NFAT5: variants seen among roughly 807,000 people sequenced by gnomAD.
The protein encoded by NFAT5 is nuclear factor of activated T cells 5, also known as nuclear factor of activated T-cells 5.
Under a neutral mutation model 166.5 loss-of-function variants are expected in NFAT5, and 31 were observed. The ratio of observed to expected loss-of-function variants is 0.19; its 90% CI spans 0.14 to 0.25. The LOEUF (loss-of-function observed/expected upper bound fraction) is 0.25, where lower values mean the gene tolerates loss of function less well. Among genes scored for constraint, NFAT5 ranks in the 10% least tolerant of loss-of-function variants. The pLI, the probability that NFAT5 is intolerant of heterozygous loss-of-function variation, is 1.00. For synonymous variants in NFAT5, 612 were observed against 639.7 expected, an observed-to-expected ratio of 0.96 and a Z score of 0.65; for missense variants, 1,449 against 1,821.8, an observed-to-expected ratio of 0.80 and a Z score of 3.72.
chr16:69,640,081 G>C (rs961400397), intron 3 of NFAT5, among the ~76,000 whole-genome samples: 3 of 152,106 alleles, frequency 2.0e-5, no homozygotes, highest in African/African-American at 7.2e-5. Flanking sequence ...AATCTGGAAT[G>C]CTTATTTTAT....
At chr16:69,660,339 G>T (rs758071947) in intron 7 of NFAT5, among the ~76,000 whole-genome samples, 10 of 152,200 alleles carry the variant, frequency 6.6e-5, no homozygotes, top group Non-Finnish European at 1.0e-4. Context: ...TGAGGCAAGA[G>T]GATCACTTGA....
intron 11 of NFAT5, 57 bp downstream of exon 11, chr16:69,685,027 A>C (rs1195073306): frequency 8.8e-7 from 1 of 1,138,272 alleles, no homozygotes; most frequent in Non-Finnish European, 1.3e-6. Context: ...TGTTTTCTCT[A>C]GCACACCTTA....
chr16:69,612,223 C>T (rs1182647069), intron 2 of NFAT5, among the ~76,000 whole-genome samples: 1 of 152,160 alleles, frequency 6.6e-6, no homozygotes, highest in Non-Finnish European at 1.5e-5. Flanking sequence ...AAGTAGCGTA[C>T]TGCCGAACCT....
chr16:69,617,227 C>G lies in NFAT5; in HGVS notation c.128-9176C>G, dbSNP rs550026543. 2.5e-4 allele frequency among the ~76,000 whole-genome samples: 38 copies of G among 152,204 alleles called. No individual in the cohort carries two copies. The South Asian group carries it at 4.6e-3, about 18-fold the overall frequency. On this transcript the variant is annotated intron_variant, in intron 2 of 14. Coordinates refer to ENST00000349945, the MANE Select transcript of NFAT5 (RefSeq NM_138713.4). ...AAAGTGCTGGGATTACAGGCGTGAG[C>G]CACCGTGCCCAGCCTCAAAGTTCTT...
At chr16:69,646,605 G>T in intron 3 of NFAT5, 1 of 1,061,130 alleles carries the variant, frequency 9.4e-7, no homozygotes, top group Non-Finnish European at 1.2e-6. Flanking sequence ...AATATTTTGT[G>T]GCTAAGCACA....
intron 6 of NFAT5, among the ~76,000 whole-genome samples, chr16:69,657,460 A>C (rs945206637): frequency 1.4e-5 from 2 of 139,558 alleles, no homozygotes; most frequent in African/African-American, 5.3e-5. Flanking sequence ...GTAACTTTTG[A>C]AAATTACTAA....
At chr16:69,580,518 C>T (rs1038470088) in intron 2 of NFAT5, among the ~76,000 whole-genome samples, 9 of 134,896 alleles carry the variant, frequency 6.7e-5, no homozygotes, top group African/African-American at 8.3e-5. Context: ...GCGACAAGAG[C>T]GAAACTAAAA....
At position 69,626,516 on chromosome 16, in the gene NFAT5, G is replaced by A. The variant is rs764037484; in HGVS notation, c.241G>A (p.Val81Ile). 1.3e-5 allele frequency: 21 copies of A among 1,560,486 alleles called. 1 individual carries two copies. In the South Asian group the frequency reaches 2.0e-4, roughly 15 times the overall value. Residue 81 changes from valine (V) to isoleucine (I), a missense_variant, in exon 3 of 15, where the codon GTT becomes ATT. Physicochemically the swap from Val to Ile is conservative, Grantham distance 29. Coordinates refer to ENST00000349945, the MANE Select transcript of NFAT5 (RefSeq NM_138713.4). ...TGAGGCAGGCTCGCCTCCTCCAGCT[G>A]TTGTTGCTGCTGGTATGCATTTCAT... is the stretch of plus-strand genomic sequence containing the variant. ...GGEAGSPPPA[V>I]VAADASSAPS...
At chr16:69,682,434 C>A (rs570349064) in intron 10 of NFAT5, among the ~76,000 whole-genome samples, 19 of 100,548 alleles carry the variant, frequency 1.9e-4, no homozygotes, top group African/African-American at 6.7e-4. Context: ...ATAGTGAGAC[C>A]CCCCCCCCCG....
At chr16:69,627,576 C>T (rs1424481719) in intron 3 of NFAT5, among the ~76,000 whole-genome samples, 1 of 151,950 alleles carries the variant, frequency 6.6e-6, no homozygotes, top group Non-Finnish European at 1.5e-5. Flanking sequence ...AGATATATTT[C>T]TCATATGCAT....
rs74947165 is a variant in NFAT5, at chr16:69,673,426, A to G, written c.1557+3138A>G. On this transcript the variant is annotated intron_variant, in intron 9 of 14. Transcript: ENST00000349945. ...ACCCACAAAGCAAACCTTTAGGGGG[A>G]AGAAAATGTGTTGAGACTGGGCATA... Among the ~76,000 whole-genome samples the G allele has an allele frequency of 7.5e-3, 1,141 of 152,140 alleles. 13 individuals are homozygous for G. The highest frequency in any genetic ancestry group is 0.026 in the African/African-American group (1,075 of 41,482).
At chr16:69,599,323 T>G (rs28392989) in intron 2 of NFAT5, among the ~76,000 whole-genome samples, 24,418 of 152,178 alleles carry the variant, frequency 0.16, 2,142 homozygotes, top group East Asian at 0.37. Context: ...ACACCTGCAA[T>G]CCCAGCACTT....
chr16:69,584,299 A>C (rs2031893653), intron 2 of NFAT5, among the ~76,000 whole-genome samples: 1 of 151,430 alleles, frequency 6.6e-6, no homozygotes, highest in African/African-American at 2.4e-5. Flanking sequence ...ATGAAAATTG[A>C]GGTGTATTTG....
chr16:69,585,060 T>C (rs887867285), intron 2 of NFAT5, among the ~76,000 whole-genome samples: 1 of 152,004 alleles, frequency 6.6e-6, no homozygotes, highest in African/African-American at 2.4e-5. Flanking sequence ...TGCAGTGGCA[T>C]GATCTCAGTT....
chr16:69,579,754 A>G (rs2031545677), intron 2 of NFAT5, among the ~76,000 whole-genome samples: 1 of 152,224 alleles, frequency 6.6e-6, no homozygotes, highest in African/African-American at 2.4e-5. Flanking sequence ...TAGGCAGATC[A>G]GAAGTCCCAC....
At chr16:69,594,982 G>A (rs761392270) in intron 2 of NFAT5, among the ~76,000 whole-genome samples, 4 of 152,110 alleles carry the variant, frequency 2.6e-5, no homozygotes, top group East Asian at 1.9e-4. Context: ...GTCTTTTCAC[G>A]TTCTTCTGCC....
chr16:69,662,729 G>C (rs2036206873), intron 7 of NFAT5, among the ~76,000 whole-genome samples: 1 of 151,796 alleles, frequency 6.6e-6, no homozygotes, highest in Non-Finnish European at 1.5e-5. Context: ...CAAAGTGCTG[G>C]GGTTACAGGC....
At chr16:69,686,811 C>T (rs539793491) in intron 11 of NFAT5, among the ~76,000 whole-genome samples, 3 of 151,814 alleles carry the variant, frequency 2.0e-5, no homozygotes, top group Non-Finnish European at 2.9e-5. Context: ...TGCAGTGAGC[C>T]GAGATCATGC....
chr16:69,589,436 C>T (rs1352192476), intron 2 of NFAT5, among the ~76,000 whole-genome samples: 4 of 152,006 alleles, frequency 2.6e-5, no homozygotes, highest in Non-Finnish European at 2.9e-5. Flanking sequence ...TTTTAGCAAT[C>T]GAAATGTGGA....
Sources: gnomAD v4.1 joint callset for allele counts (sites outside exome capture counted in the v4.1 genomes callset) on GRCh38, gnomAD v4.1.1 for gene constraint, MANE v1.5 for transcripts, NCBI Gene and HGNC (gene_info 2026-07-23, HGNC 2026-07-21) for gene names.